The following HM13 variants were observed in gnomAD, a reference collection of about 807,000 sequenced individuals.
The protein encoded by HM13 is signal peptide peptidase.
A neutral mutation model predicts 50.0 loss-of-function variants in HM13; 18 were observed. The ratio of observed to expected loss-of-function variants is 0.36; its 90% confidence interval spans 0.25 to 0.53. The LOEUF (loss-of-function observed/expected upper bound fraction) is 0.53. HM13 is among the 20% of genes least tolerant of loss of function. The pLI is 0.90. For missense variants in HM13, 393 were observed against 552.4 expected (o/e 0.71, Z 2.89); for synonymous variants, 197 against 232.6 (o/e 0.85, Z 1.39).
rs533949988 is a variant in HM13, at chr20:31,569,301, C to T, written c.*82C>T. The T allele has an allele frequency of 3.1e-6, 3 of 974,974 alleles. No individual in the cohort carries two copies. In the African/African-American group the frequency reaches 5.1e-5, roughly 17 times the overall value. The allele number at this position is 974,974 out of a possible 1,614,324, so 60.4% of individuals were successfully genotyped here. On this transcript the variant is annotated 3_prime_UTR_variant, in exon 13 of 13. Transcript: ENST00000398174. ...CACAGGCGTGCACCGGTAGAGGGCA[C>T]AGGAGGCCAAGGGCAGCTCCAGGAC...
At chr20:31,527,406 G>A (rs1459094440) in intron 1 of HM13, 78 bp from the exon 2 acceptor site, 2 of 986,958 alleles carry the variant, frequency 2.0e-6, no homozygotes, top group Non-Finnish European at 3.1e-6. Flanking sequence ...CCTAGCCAAG[G>A]GAATAGCATT....
At chr20:31,543,313 TC>T (rs1360155261) in intron 3 of HM13, among the ~76,000 whole-genome samples, 5 of 151,956 alleles carry the variant, frequency 3.3e-5, no homozygotes, top group African/African-American at 1.2e-4. Flanking sequence ...AGAGACGGAG[TC>T]TCGCTGTGTC....
intron 3 of HM13, 120 bp downstream of exon 3, chr20:31,538,381 C>T (rs1983242554): frequency 6.4e-7 from 1 of 1,571,510 alleles, no homozygotes; most frequent in Non-Finnish European, 8.7e-7. Flanking sequence ...GGCTATAAAA[C>T]TCAAGGGACT....
intron 1 of HM13, among the ~76,000 whole-genome samples, chr20:31,520,960 C>T (rs1396825148): frequency 6.6e-6 from 1 of 152,218 alleles, no homozygotes; most frequent in Non-Finnish European, 1.5e-5. Context: ...TCCTCTCTTA[C>T]AGCTTTTGTT....
At chr20:31,535,474 G>T (rs948712107) in intron 2 of HM13, 1 of 152,214 alleles carries the variant, frequency 6.6e-6, no homozygotes, top group Non-Finnish European at 1.5e-5. Context: ...AGGAAAGTGA[G>T]ACCTGGTGCC....
rs1399334711 is a variant in HM13, at chr20:31,514,845, C to T, written c.183+111C>T. ...CTCCCCGGACACTGACTCTTCCCAGCCCTGATCACCACCGTTCCCTCTGTC... is the reference window on the plus strand; with the variant it reads ...CTCCCCGGACACTGACTCTTCCCAGTCCTGATCACCACCGTTCCCTCTGTC... On this transcript the variant is annotated intron_variant, in intron 1 of 12. Coordinates refer to ENST00000398174, the MANE Select transcript of HM13 (RefSeq NM_178581.3). The surrounding 1 kb of genome is among the most constrained non-coding windows in gnomAD (Gnocchi z 4.3). 4.7e-6 allele frequency: 5 copies of T among 1,059,112 alleles called. No homozygotes were observed. In the East Asian group the frequency reaches 1.4e-4, roughly 30 times the overall value. The allele number at this position is 1,059,112 out of a possible 1,614,324, so 65.6% of individuals were successfully genotyped here. A position where few individuals can be genotyped will look rare whatever the true frequency, so the allele number is the denominator to read the frequency against.
intron 9 of HM13, among the ~76,000 whole-genome samples, chr20:31,561,146 C>T (rs148566493): frequency 1.3e-5 from 2 of 152,320 alleles, no homozygotes; most frequent in African/African-American, 4.8e-5. Flanking sequence ...AAAGTAGTAA[C>T]TTATCTTTGC....
intron 9 of HM13, among the ~76,000 whole-genome samples, chr20:31,559,923 G>A (rs1298566605): frequency 3.9e-5 from 6 of 152,306 alleles, no homozygotes; most frequent in Non-Finnish European, 1.5e-5. Context: ...TTGACAAGTG[G>A]CCTGACCTTC....
At chr20:31,547,682 A>T in intron 4 of HM13, 1 of 1,430,954 alleles carries the variant, frequency 7.0e-7, no homozygotes, top group Non-Finnish European at 9.7e-7. Flanking sequence ...GAACATACAG[A>T]AATCCTTACC....
At chr20:31,536,492 G>T (rs1188369435) in intron 2 of HM13, among the ~76,000 whole-genome samples, 1 of 152,094 alleles carries the variant, frequency 6.6e-6, no homozygotes, top group African/African-American at 2.4e-5. Flanking sequence ...TAGCCCTGCA[G>T]GGTCTTCTAC....
chr20:31,556,837 G>T (rs1984334813), intron 8 of HM13, among the ~76,000 whole-genome samples: 1 of 152,048 alleles, frequency 6.6e-6, no homozygotes, highest in African/African-American at 2.4e-5. Context: ...TGGCTAACAT[G>T]GTGAAACCCC....
Position 31,544,834 on chromosome 20 carries a change from A to G in HM13, c.366-113A>G, listed in dbSNP as rs1192242828. ...ACATCTGTAGAGTGGGAACAGTAAC[A>G]CCTACCTATCAGGACAGCTGTAAGG... On this transcript the variant is annotated intron_variant, in intron 3 of 12. Transcript: ENST00000398174. 3.7e-6 allele frequency: 3 copies of G among 803,842 alleles called. No homozygotes were observed. In the African/African-American group the frequency reaches 5.0e-5, roughly 13 times the overall value. The allele number at this position is 803,842 out of a possible 1,614,324, so 49.8% of individuals were successfully genotyped here.
At chr20:31,538,745 C>A in intron 3 of HM13, 1 of 698,972 alleles carries the variant, frequency 1.4e-6, no homozygotes, top group Non-Finnish European at 1.8e-6. Context: ...GCTCTGTGAT[C>A]TTGGGCAAGT....
intron 2 of HM13, among the ~76,000 whole-genome samples, chr20:31,530,400 C>T (rs1429639005): frequency 7.1e-6 from 1 of 140,860 alleles, no homozygotes; most frequent in African/African-American, 3.1e-5. Flanking sequence ...GTCAAATTAC[C>T]CCATTCTTTC....
intron 8 of HM13, among the ~76,000 whole-genome samples, chr20:31,555,763 G>A (rs895074564): frequency 1.3e-5 from 2 of 150,882 alleles, no homozygotes; most frequent in African/African-American, 4.9e-5. Context: ...GATGCCAGGA[G>A]TTCAAGACCA....
intron 2 of HM13, among the ~76,000 whole-genome samples, chr20:31,535,016 G>A (rs554911774): frequency 1.2e-3 from 186 of 151,980 alleles, no homozygotes; most frequent in African/African-American, 4.3e-3. Flanking sequence ...AACCCGGGAG[G>A]CACAGTTTTC....
chr20:31,535,540 G>A (rs1204396923), intron 2 of HM13: 2 of 152,238 alleles, frequency 1.3e-5, no homozygotes, highest in East Asian at 3.8e-4. Flanking sequence ...TGGCCTGAGA[G>A]TGATTTGTCC....
intron 4 of HM13, chr20:31,548,170 C>T: frequency 2.7e-6 from 2 of 744,458 alleles, no homozygotes; most frequent in Non-Finnish European, 4.7e-6. Context: ...ATAAGTTTAA[C>T]AGATACTTTA....
chr20:31,538,742 G>A (rs1983265547), intron 3 of HM13: 12 of 719,990 alleles, frequency 1.7e-5, no homozygotes, highest in South Asian at 6.3e-5. Context: ...ATAGCTCTGT[G>A]ATCTTGGGCA....
Sources: gnomAD v4.1 joint callset for allele counts (sites outside exome capture counted in the v4.1 genomes callset) on GRCh38, gnomAD v4.1.1 for gene constraint, Gnocchi (gnomAD v3.1) non-coding constraint, MANE v1.5 for transcripts, NCBI Gene and HGNC (gene_info 2026-07-23, HGNC 2026-07-21) for gene names.